Variants in ATP2A2 observed in about 807,000 individuals in gnomAD.
The protein encoded by ATP2A2 is ATPase sarcoplasmic/endoplasmic reticulum Ca2+ transporting 2.
In ATP2A2, 14 loss-of-function variants were observed where a neutral mutation model predicts 109.3. The observed-to-expected ratio is 0.13, with a 90% CI of 0.08 to 0.20. ATP2A2 has a LOEUF of 0.20. Among genes scored for constraint, ATP2A2 ranks in the 10% least tolerant of loss-of-function variants. ATP2A2 has a pLI of 1.00. For synonymous variants in ATP2A2, 506 were observed against 490.9 expected, an observed-to-expected ratio of 1.03 and a Z score of -0.41; for missense variants, 657 against 1,321.6, an observed-to-expected ratio of 0.50 and a Z score of 7.80.
At position 110,298,453 on chromosome 12, in the gene ATP2A2, C is replaced by G. The variant is rs139266227; in HGVS notation, c.463+1716C>G. 1.7e-3 allele frequency among the ~76,000 whole-genome samples: 262 copies of G among 152,330 alleles called. 3 individuals are homozygous for G. Among genetic ancestry groups the G allele is most frequent in the Non-Finnish European group, 8.5e-4 (58 of 68,030 alleles). On this transcript the variant is annotated intron_variant, in intron 5 of 19. Transcript: ENST00000539276. ...TTCCTGTTTTGGCCAGGCGTGGTGG[C>G]TCATGCCTGTAATCCCAGCACTTTG...
chr12:110,309,435 G>A lies in ATP2A2; in HGVS notation c.463+12698G>A, dbSNP rs1875761133. 2.0e-5 allele frequency among the ~76,000 whole-genome samples: 3 copies of A among 151,874 alleles called. 1 individual carries two copies. The South Asian group carries it at 6.2e-4, about 32-fold the overall frequency. Reference sequence around the variant, plus strand: ...AGCCTCCCAAAGTGCTGGAATTACAGGTGTGAGCCACCATGCCCAGCCAGG... The same window carrying A: ...AGCCTCCCAAAGTGCTGGAATTACAAGTGTGAGCCACCATGCCCAGCCAGG... On this transcript the variant is annotated intron_variant, in intron 5 of 19. Coordinates refer to ENST00000539276, the MANE Select transcript of ATP2A2 (RefSeq NM_170665.4).
chr12:110,347,007 T>C lies in ATP2A2; in HGVS notation c.*537T>C. On this transcript the variant is annotated 3_prime_UTR_variant, in exon 20 of 20. Transcript: ENST00000539276. ...GGTTTGCTACTTCCCTCACCCACTT[T>C]GGCCTCCGTTCACCCCACCCCACCC... is the stretch of plus-strand genomic sequence containing the variant. 9.1e-7 allele frequency: 1 copy of C among 1,104,498 alleles called. No homozygotes were observed. Among genetic ancestry groups the C allele is most frequent in the Non-Finnish European group, 1.1e-6 (1 of 902,000 alleles). The allele number at this position is 1,104,498 out of a possible 1,614,324, so 68.4% of individuals were successfully genotyped here.
At chr12:110,291,640 C>CTTTTT (rs34738611) in intron 3 of ATP2A2, among the ~76,000 whole-genome samples, 1 of 116,150 alleles carries the variant, frequency 8.6e-6, no homozygotes, top group Non-Finnish European at 1.7e-5. Flanking sequence ...GTGCTAGCCA[C>CTTTTT]TTTTTTTTTT....
chr12:110,326,302 A>G, intron 6 of ATP2A2, 88 bp from the exon 7 acceptor site: 2 of 1,191,492 alleles, frequency 1.7e-6, no homozygotes, highest in Middle Eastern at 1.9e-4. Context: ...GTATCCCAAG[A>G]GTGGTAATGG....
intron 5 of ATP2A2, among the ~76,000 whole-genome samples, chr12:110,317,874 G>A (rs1478042089): frequency 6.6e-6 from 1 of 152,210 alleles, no homozygotes; most frequent in Non-Finnish European, 1.5e-5. Context: ...TATTGTAATA[G>A]CAAATTAAAG....
chr12:110,310,555 G>A (rs1322595402), intron 5 of ATP2A2, among the ~76,000 whole-genome samples: 2 of 152,166 alleles, frequency 1.3e-5, no homozygotes, highest in Admixed American at 6.5e-5. Flanking sequence ...CAGGGTTGAT[G>A]AATAGCACCA....
upstream of ATP2A2, chr12:110,281,053 C>T (rs1871996408): frequency 6.6e-6 from 1 of 151,320 alleles, no homozygotes; most frequent in African/African-American, 2.4e-5. Flanking sequence ...CGGCCTCGAT[C>T]CGGGTTCCTA....
At position 110,347,103 on chromosome 12, in the gene ATP2A2, A is replaced by G. The variant is rs1592870937; in HGVS notation, c.*633A>G. 5.4e-6 allele frequency: 6 copies of G among 1,105,028 alleles called. No homozygotes were observed. In the South Asian group the frequency reaches 1.2e-4, roughly 22 times the overall value. 68.5% of individuals were successfully genotyped at this position (1,105,028 alleles called of 1,614,324 possible). A position where few individuals can be genotyped will look rare whatever the true frequency, so the allele number is the denominator to read the frequency against. On this transcript the variant is annotated 3_prime_UTR_variant, in exon 20 of 20. Transcript: ENST00000539276. Reference sequence around the variant, plus strand: ...GATTGTGATGGTTCGTTCTGTTTACATCAGTTTTAACGAGAGGTATGCCTG... The same window carrying G: ...GATTGTGATGGTTCGTTCTGTTTACGTCAGTTTTAACGAGAGGTATGCCTG...
intron 5 of ATP2A2, among the ~76,000 whole-genome samples, chr12:110,314,291 G>A (rs1396948831): frequency 6.7e-6 from 1 of 149,854 alleles, no homozygotes; most frequent in Non-Finnish European, 1.5e-5. Flanking sequence ...TCGTGCCATT[G>A]CACTCCAGCC....
chr12:110,307,421 T>A (rs1245654810), intron 5 of ATP2A2, among the ~76,000 whole-genome samples: 1 of 151,814 alleles, frequency 6.6e-6, no homozygotes, highest in East Asian at 1.9e-4. Flanking sequence ...TTCGTAGAGA[T>A]GAGGTCTTAC....
Position 110,332,618 on chromosome 12 carries a change from G to A in ATP2A2, c.1117G>A (p.Glu373Lys), listed in dbSNP as rs1183971962. The change falls in exon 9 of 20, where the codon GAA becomes AAA. Residue 373 changes from glutamate to lysine, a missense_variant. By Grantham distance (56) the Glu-to-Lys change is moderately conservative. Transcript: ENST00000539276. ...ACAGATGTTCATTCTGGACAGAGTG[G>A]AAGGTGATACTTGTTCCCTTAATGA... ...VCRMFILDRV[E>K]GDTCSLNEFT... 1 of 1,613,470 alleles carries A rather than the reference G, an allele frequency of 6.2e-7. No homozygotes were observed. Among genetic ancestry groups the A allele is most frequent in the Admixed American group, 1.7e-5 (1 of 60,020 alleles).
chr12:110,287,767 A>C (rs780329388), intron 3 of ATP2A2, among the ~76,000 whole-genome samples: 4 of 151,876 alleles, frequency 2.6e-5, no homozygotes, highest in Non-Finnish European at 4.4e-5. Flanking sequence ...GGCATGCACC[A>C]CCACGCCCGG....
chr12:110,326,552 A>T lies in ATP2A2; in HGVS notation c.630+77A>T, dbSNP rs776540498. 44 of 1,274,866 alleles carry T rather than the reference A, an allele frequency of 3.5e-5. No individual in the cohort carries two copies. In the African/African-American group the frequency reaches 4.0e-4, roughly 12 times the overall value. 79.0% of individuals were successfully genotyped at this position (1,274,866 alleles called of 1,614,324 possible). A position where few individuals can be genotyped will look rare whatever the true frequency, so the allele number is the denominator to read the frequency against. On this transcript the variant is annotated intron_variant, in intron 7 of 19. Transcript: ENST00000539276. ...TCAAATGTTATGTTTTTCACTGCCA[A>T]CCATCACTGGCTATCATTCTAAAGG... is the stretch of plus-strand genomic sequence containing the variant.
chr12:110,296,015 T>G (rs190681614), intron 4 of ATP2A2: 5 of 154,782 alleles, frequency 3.2e-5, no homozygotes, highest in Admixed American at 3.2e-4. Flanking sequence ...AGTAAACTTG[T>G]GTGTTGTGTA....
chr12:110,309,175 T>TTTA (rs1875723891), intron 5 of ATP2A2, among the ~76,000 whole-genome samples: 1 of 125,406 alleles, frequency 8.0e-6, no homozygotes, highest in Non-Finnish European at 1.7e-5. Context: ...TTTTTTTTTT[T>TTTA]GAGATGGAAT....
rs779781194 is a variant in ATP2A2, at chr12:110,346,330, T to C, written c.2989T>C (p.Cys997Arg). The change falls in exon 20 of 20, where the codon TGT becomes CGT. Residue 997 changes from cysteine to arginine, a missense_variant. Transcript: ENST00000539276. ...CAACTACCTGGAACCTGGTAAAGAG[T>C]GTGTGCAGCCTGCCACCAAATCCTG... ...ARNYLEPGKE[C>R]VQPATKSCSF... 1.9e-6 allele frequency: 3 copies of C among 1,613,874 alleles called. No individual in the cohort carries two copies. Among genetic ancestry groups the C allele is most frequent in the Non-Finnish European group, 2.5e-6 (3 of 1,179,976 alleles).
chr12:110,300,216 A>G (rs1468931611), intron 5 of ATP2A2, among the ~76,000 whole-genome samples: 1 of 131,256 alleles, frequency 7.6e-6, no homozygotes, highest in Non-Finnish European at 1.6e-5. Flanking sequence ...ACTTGGAGAC[A>G]GGGGCTTGCT....
At chr12:110,345,962 C>T (rs765382389) in intron 18 of ATP2A2, 39 bp from the exon 19 acceptor site, 1 of 1,598,510 alleles carries the variant, frequency 6.3e-7, no homozygotes, top group South Asian at 1.1e-5. Context: ...ACGTGCCTTG[C>T]CTTGGGGGTG....
intron 14 of ATP2A2, among the ~76,000 whole-genome samples, chr12:110,341,827 C>T (rs1173479771): frequency 1.3e-5 from 2 of 152,212 alleles, no homozygotes; most frequent in African/African-American, 4.8e-5. Flanking sequence ...GAGACTGCGC[C>T]ACTGCACTAC....
Sources: gnomAD v4.1 joint callset for allele counts (sites outside exome capture counted in the v4.1 genomes callset) on GRCh38, gnomAD v4.1.1 for gene constraint, MANE v1.5 for transcripts, NCBI Gene and HGNC (gene_info 2026-07-23, HGNC 2026-07-21) for gene names.